Variants in LHFPL6 observed in about 807,000 individuals in gnomAD.
LHFPL6 encodes the protein LHFPL tetraspan subfamily member 6, also known as LHFPL tetraspan subfamily member 6 protein.
LHFPL6 carries 9 observed loss-of-function variants against 20.6 expected under a neutral mutation model. The ratio of observed to expected loss-of-function variants is 0.44; its 90% CI spans 0.26 to 0.76. LHFPL6 has a LOEUF of 0.76. Among genes scored for constraint, LHFPL6 ranks in the 30% least tolerant of loss-of-function variants. LHFPL6 has a pLI of 0.20. For missense variants in LHFPL6, 218 were observed against 253.5 expected, an observed-to-expected ratio of 0.86 and a Z score of 0.95; for synonymous variants, 105 against 98.7, an observed-to-expected ratio of 1.06 and a Z score of -0.38.
intron 2 of LHFPL6, among the ~76,000 whole-genome samples, chr13:39,545,015 G>A (rs1367694285): frequency 6.6e-6 from 1 of 151,804 alleles, no homozygotes; most frequent in Non-Finnish European, 1.5e-5. Flanking sequence ...GGCTGAGGCA[G>A]GCAGATCACG....
chr13:39,478,970 T>C (rs1477694956), intron 2 of LHFPL6, among the ~76,000 whole-genome samples: 1 of 150,760 alleles, frequency 6.6e-6, no homozygotes, highest in Admixed American at 6.6e-5. Flanking sequence ...CTATATATAA[T>C]ATATACATAT....
At chr13:39,504,095 G>A (rs1175880970) in intron 2 of LHFPL6, among the ~76,000 whole-genome samples, 24 of 152,138 alleles carry the variant, frequency 1.6e-4, no homozygotes, top group Non-Finnish European at 1.5e-5. Flanking sequence ...TATGACTGTG[G>A]TGAGGCAAGG....
chr13:39,578,955 T>C (rs557035703), intron 2 of LHFPL6, among the ~76,000 whole-genome samples: 3 of 152,272 alleles, frequency 2.0e-5, no homozygotes, highest in Admixed American at 1.3e-4. Flanking sequence ...GGAACAGCGT[T>C]CAGCAAAGGC....
chr13:39,375,850 G>A (rs1030422043), intron 3 of LHFPL6, among the ~76,000 whole-genome samples: 4 of 151,814 alleles, frequency 2.6e-5, no homozygotes, highest in African/African-American at 9.7e-5. Flanking sequence ...CTTATGCAGT[G>A]GACCTAGAAC....
intron 3 of LHFPL6, among the ~76,000 whole-genome samples, chr13:39,353,659 C>T (rs1186820590): frequency 3.9e-5 from 6 of 152,004 alleles, no homozygotes; most frequent in African/African-American, 1.2e-4. Flanking sequence ...ACCCGGGAGG[C>T]GGAGGTTGCA....
chr13:39,363,189 A>G (rs1168184651), intron 3 of LHFPL6, among the ~76,000 whole-genome samples: 1 of 152,220 alleles, frequency 6.6e-6, no homozygotes, highest in Non-Finnish European at 1.5e-5. Context: ...CTGGCAAGAC[A>G]GGAAGGCAGA....
At chr13:39,551,397 T>C (rs1871142514) in intron 2 of LHFPL6, among the ~76,000 whole-genome samples, 1 of 151,496 alleles carries the variant, frequency 6.6e-6, no homozygotes, top group Non-Finnish European at 1.5e-5. Context: ...TCCTGAGGGC[T>C]CTACTCTCCT....
chr13:39,430,174 C>A (rs935480560), intron 2 of LHFPL6, among the ~76,000 whole-genome samples: 1 of 152,196 alleles, frequency 6.6e-6, no homozygotes, highest in Non-Finnish European at 1.5e-5. Flanking sequence ...TAGGACTGAA[C>A]CACTCATTAC....
At chr13:39,467,315 G>A (rs1487161038) in intron 2 of LHFPL6, among the ~76,000 whole-genome samples, 1 of 152,136 alleles carries the variant, frequency 6.6e-6, no homozygotes, top group Non-Finnish European at 1.5e-5. Flanking sequence ...TTTGCTGAAT[G>A]AGTGAATGAA....
intron 2 of LHFPL6, among the ~76,000 whole-genome samples, chr13:39,570,093 G>A (rs1166475075): frequency 1.3e-5 from 2 of 152,106 alleles, no homozygotes; most frequent in Non-Finnish European, 2.9e-5. Context: ...CTGACTCCAA[G>A]TTAGCTTTTC....
chr13:39,426,252 C>A (rs927412225), intron 2 of LHFPL6, among the ~76,000 whole-genome samples: 1 of 147,776 alleles, frequency 6.8e-6, no homozygotes, highest in African/African-American at 2.5e-5. Flanking sequence ...TGGAGTTTCA[C>A]TCTTGTTGCC....
chr13:39,498,866 T>C (rs1566125382), intron 2 of LHFPL6, among the ~76,000 whole-genome samples: 1 of 151,736 alleles, frequency 6.6e-6, no homozygotes, highest in Non-Finnish European at 1.5e-5. Flanking sequence ...AACTTCTTTT[T>C]CTTTTCTTTT....
At chr13:39,424,112 C>A (rs1428224153) in intron 2 of LHFPL6, among the ~76,000 whole-genome samples, 1 of 152,104 alleles carries the variant, frequency 6.6e-6, no homozygotes, top group Non-Finnish European at 1.5e-5. Context: ...TTTTAAAGAG[C>A]ACATACAAAA....
chr13:39,354,120 T>C (rs542715324), intron 3 of LHFPL6, among the ~76,000 whole-genome samples: 171 of 152,278 alleles, frequency 1.1e-3, no homozygotes, highest in African/African-American at 4.0e-3. Context: ...CACTGAAATA[T>C]GAAAGAAGTG....
At chr13:39,516,783 TG>T (rs536234752) in intron 2 of LHFPL6, among the ~76,000 whole-genome samples, 62 of 152,378 alleles carry the variant, frequency 4.1e-4, no homozygotes, top group African/African-American at 1.3e-3. Context: ...GGATTTACTC[TG>T]ATGAGCTTTC....
chr13:39,507,784 T>G (rs1211562755), intron 2 of LHFPL6, among the ~76,000 whole-genome samples: 1 of 152,086 alleles, frequency 6.6e-6, no homozygotes, highest in African/African-American at 2.4e-5. Context: ...AAAGAAAAAC[T>G]GAGTTCAGAG....
chr13:39,466,157 G>A (rs568112907), intron 2 of LHFPL6, among the ~76,000 whole-genome samples: 1 of 152,252 alleles, frequency 6.6e-6, no homozygotes, highest in East Asian at 1.9e-4. Context: ...TTGGGGACAT[G>A]ATTTAGTAAA....
intron 2 of LHFPL6, among the ~76,000 whole-genome samples, chr13:39,577,416 A>G (rs376774703): frequency 6.6e-6 from 1 of 152,196 alleles, no homozygotes; most frequent in African/African-American, 2.4e-5. Flanking sequence ...AGAAAGGAGC[A>G]TATGTGCTTC....
At chr13:39,520,110 C>T (rs770689790) in intron 2 of LHFPL6, among the ~76,000 whole-genome samples, 11 of 152,160 alleles carry the variant, frequency 7.2e-5, no homozygotes, top group Admixed American at 1.3e-4. Flanking sequence ...TCTTCAGAAT[C>T]GGTTCATCTG....
Sources: allele counts gnomAD v4.1 joint callset (sites outside exome capture counted in the v4.1 genomes callset), GRCh38; gene constraint gnomAD v4.1.1; transcripts MANE v1.5; gene names NCBI Gene and HGNC (gene_info 2026-07-23, HGNC 2026-07-21).